The following NOX4 variants were observed in gnomAD, a reference collection of about 807,000 sequenced individuals.
The protein encoded by NOX4 is kidney oxidase-1.
A neutral mutation model predicts 87.6 loss-of-function variants in NOX4; 69 were observed. That is an observed-to-expected ratio of 0.79 (90% CI 0.65 to 0.96). NOX4 has a LOEUF of 0.96. Among genes scored for constraint, NOX4 ranks in the 40% least tolerant of loss-of-function variants. The pLI is 0.00. For synonymous variants in NOX4, 275 were observed against 238.2 expected (o/e 1.15, Z -1.42); for missense variants, 680 against 681.5 (o/e 1.00, Z 0.02).
At chr11:89,349,610 C>G in intron 13 of NOX4, among the ~76,000 whole-genome samples, 1 of 152,240 alleles carries the variant, frequency 6.6e-6, no homozygotes, top group African/African-American at 2.4e-5. Flanking sequence ...TCTTTGGCAG[C>G]AAACCAAGTC....
chr11:89,328,923 G>C (rs1945332102), intron 17 of NOX4, among the ~76,000 whole-genome samples: 1 of 152,012 alleles, frequency 6.6e-6, no homozygotes, highest in African/African-American at 2.4e-5. Context: ...AAGTCAAGGA[G>C]AGAGATCTCA....
At chr11:89,583,830 CCCA>C in the NOX4 span, among the ~76,000 whole-genome samples, 34 of 151,970 alleles carry the variant, frequency 2.2e-4, no homozygotes, top group African/African-American at 7.0e-4. Flanking sequence ...TCTTTGTTTA[CCCA>C]GGACTACTAC....
intron 12 of NOX4, among the ~76,000 whole-genome samples, chr11:89,368,926 C>A (rs966792955): frequency 2.6e-5 from 4 of 151,950 alleles, no homozygotes; most frequent in African/African-American, 9.7e-5. Context: ...GCCTCTTAAA[C>A]TTTTTAAAGA....
intron 11 of NOX4, among the ~76,000 whole-genome samples, chr11:89,394,120 T>C (rs1053593824): frequency 1.3e-5 from 2 of 152,154 alleles, no homozygotes; most frequent in African/African-American, 4.8e-5. Flanking sequence ...TTTTGTGTTT[T>C]CCCTTTGCCT....
chr11:89,387,616 C>T (rs1272226703), intron 11 of NOX4, among the ~76,000 whole-genome samples: 3 of 152,184 alleles, frequency 2.0e-5, no homozygotes, highest in African/African-American at 4.8e-5. Flanking sequence ...ATGTAAACAT[C>T]GATTCATTAC....
chr11:89,393,575 T>G (rs1455512670), intron 11 of NOX4, among the ~76,000 whole-genome samples: 1 of 152,056 alleles, frequency 6.6e-6, no homozygotes, highest in Non-Finnish European at 1.5e-5. Context: ...AAGCATAATT[T>G]CAGAAATGAA....
intron 11 of NOX4, among the ~76,000 whole-genome samples, chr11:89,388,961 C>A (rs1219504723): frequency 6.6e-6 from 1 of 152,110 alleles, no homozygotes; most frequent in Non-Finnish European, 1.5e-5. Context: ...ATTAACTGCA[C>A]TTTTATAAAG....
chr11:89,335,677 G>A (rs1945675315), intron 17 of NOX4, among the ~76,000 whole-genome samples, 168 bp downstream of exon 17: 1 of 151,794 alleles, frequency 6.6e-6, no homozygotes, highest in Admixed American at 6.6e-5. Context: ...TTACAAAAAT[G>A]TAGGACGATA....
chr11:89,447,159 G>A (rs561805145), intron 4 of NOX4, among the ~76,000 whole-genome samples: 1 of 152,164 alleles, frequency 6.6e-6, no homozygotes, highest in South Asian at 2.1e-4. Context: ...GTCTAAGTGT[G>A]ACACAACTAT....
At chr11:89,404,757 T>C (rs1437263598) in intron 8 of NOX4, among the ~76,000 whole-genome samples, 1 of 152,146 alleles carries the variant, frequency 6.6e-6, no homozygotes. Context: ...GTTCACTGAA[T>C]CCTCACAACA....
the NOX4 span, among the ~76,000 whole-genome samples, chr11:89,528,652 G>T: frequency 6.6e-6 from 1 of 152,100 alleles, no homozygotes. Flanking sequence ...TGTGAAGAAG[G>T]TACCTCGCTT....
At chr11:89,489,545 T>C (rs1379331310) in intron 2 of NOX4, among the ~76,000 whole-genome samples, 1 of 151,916 alleles carries the variant, frequency 6.6e-6, no homozygotes, top group East Asian at 1.9e-4. Flanking sequence ...CTGACCAACA[T>C]GGTGAAACCT....
chr11:89,537,614 G>GC, the NOX4 span, among the ~76,000 whole-genome samples: 4 of 151,054 alleles, frequency 2.6e-5, no homozygotes, highest in South Asian at 2.1e-4. Context: ...GACACTCAGG[G>GC]CCCCCCCGAG....
rs1318161721 is a variant in NOX4 at position 89,354,549 on chromosome 11, C to T, written c.1217+413G>A. On this transcript the variant is annotated intron_variant, in intron 13 of 17. Coordinates refer to ENST00000263317, the MANE Select transcript of NOX4 (RefSeq NM_016931.5). ...AGAATATGTAGAGATTGTCAAAAAT[C>T]ATATCTAGCCCACGGCTATTTTGAA... is the stretch of plus-strand genomic sequence containing the variant. Among the ~76,000 whole-genome samples the T allele has an allele frequency of 2.0e-5, 3 of 152,132 alleles. No individual in the cohort carries two copies. The South Asian group carries it at 6.2e-4, about 31-fold the overall frequency.
the NOX4 span, among the ~76,000 whole-genome samples, chr11:89,558,886 C>T: frequency 6.6e-6 from 1 of 152,082 alleles, no homozygotes; most frequent in Non-Finnish European, 1.5e-5. Context: ...TGTTTACCAT[C>T]ACAAATCATA....
chr11:89,581,257 G>C, the NOX4 span, among the ~76,000 whole-genome samples: 2 of 152,126 alleles, frequency 1.3e-5, no homozygotes, highest in African/African-American at 4.8e-5. Context: ...TTCTGAGCAA[G>C]AGCTATCCCT....
the NOX4 span, among the ~76,000 whole-genome samples, chr11:89,538,107 ATGGAC>A: frequency 6.6e-6 from 1 of 152,156 alleles, no homozygotes; most frequent in African/African-American, 2.4e-5. Context: ...GTCTCTTAGC[ATGGAC>A]TGGAATCTGT....
At chr11:89,472,481 T>G (rs896381396) in intron 2 of NOX4, among the ~76,000 whole-genome samples, 3 of 152,202 alleles carry the variant, frequency 2.0e-5, no homozygotes, top group African/African-American at 7.2e-5. Flanking sequence ...ATAATGACTT[T>G]ATATTCAGAT....
chr11:89,536,138 C>CTTTTTTTTTTTT, the NOX4 span, among the ~76,000 whole-genome samples: 1 of 88,954 alleles, frequency 1.1e-5, no homozygotes, highest in Non-Finnish European at 2.1e-5. Flanking sequence ...TGGTCCTTTT[C>CTTTTTTTTTTTT]TTTTTTTTTT....
Sources: gnomAD v4.1 joint callset for allele counts (sites outside exome capture counted in the v4.1 genomes callset) on GRCh38, gnomAD v4.1.1 for gene constraint, MANE v1.5 for transcripts, NCBI Gene and HGNC (gene_info 2026-07-23, HGNC 2026-07-21) for gene names.